Variants in DCC observed in about 807,000 individuals in gnomAD.
DCC encodes DCC netrin 1 receptor.
Under a neutral mutation model 172.5 loss-of-function variants are expected in DCC, and 58 were observed. That is an observed-to-expected ratio of 0.34 (90% CI 0.27 to 0.42). DCC has a LOEUF of 0.42. DCC is among the 10% of genes least tolerant of loss of function. The pLI is 1.00. For missense variants in DCC, 1,740 were observed against 1,791.0 expected, an observed-to-expected ratio of 0.97 and a Z score of 0.51; for synonymous variants, 709 against 644.5, an observed-to-expected ratio of 1.10 and a Z score of -1.52.
intron 28 of DCC, among the ~76,000 whole-genome samples, chr18:53,527,668 A>G (rs546244459): frequency 6.6e-6 from 1 of 152,088 alleles, no homozygotes; most frequent in South Asian, 2.1e-4. Context: ...AGGAACATCA[A>G]TAGAGAAGGG....
chr18:53,438,647 T>C (rs1912090091), intron 22 of DCC, among the ~76,000 whole-genome samples: 1 of 152,224 alleles, frequency 6.6e-6, no homozygotes, highest in African/African-American at 2.4e-5. Flanking sequence ...TGTTGACTAT[T>C]TGAAGTTGCT....
chr18:52,682,706 G>A (rs569144976), intron 1 of DCC, among the ~76,000 whole-genome samples: 3 of 149,490 alleles, frequency 2.0e-5, no homozygotes, highest in East Asian at 2.0e-4. Flanking sequence ...ATGTCAGGTA[G>A]TGATAAATGT....
intron 2 of DCC, among the ~76,000 whole-genome samples, chr18:52,840,444 G>A (rs1364903029): frequency 1.3e-5 from 2 of 152,142 alleles, no homozygotes; most frequent in Non-Finnish European, 2.9e-5. Flanking sequence ...ATGATCTGGT[G>A]CCTGCATTCT....
intron 16 of DCC, among the ~76,000 whole-genome samples, chr18:53,388,536 TC>T (rs1908326972): frequency 6.6e-6 from 1 of 152,328 alleles, no homozygotes; most frequent in South Asian, 2.1e-4. Context: ...TGGAGCCTCA[TC>T]CCATACTGGG....
intron 1 of DCC, among the ~76,000 whole-genome samples, chr18:52,686,237 T>G (rs1163422886): frequency 7.0e-6 from 1 of 143,454 alleles, no homozygotes; most frequent in Non-Finnish European, 1.5e-5. Flanking sequence ...CTTACTCCTG[T>G]TAGGTTATTC....
chr18:52,611,112 C>T (rs56215498), intron 1 of DCC, among the ~76,000 whole-genome samples: 9,512 of 152,126 alleles, frequency 0.063, 417 homozygotes, highest in South Asian at 0.17. Flanking sequence ...TTTATTTTCT[C>T]CACCTATAAA....
intron 5 of DCC, among the ~76,000 whole-genome samples, chr18:53,002,972 A>C (rs567146210): frequency 6.6e-6 from 1 of 152,208 alleles, no homozygotes; most frequent in Non-Finnish European, 1.5e-5. Flanking sequence ...GCTGCCTGTC[A>C]AGACTGCTTG....
intron 26 of DCC, among the ~76,000 whole-genome samples, chr18:53,496,354 A>C (rs1030722065): frequency 4.6e-5 from 7 of 152,226 alleles, no homozygotes; most frequent in Admixed American, 2.6e-4. Context: ...GACCTGCCAC[A>C]GAGGGGCCTG....
At chr18:53,211,189 G>T (rs556814516) in intron 11 of DCC, among the ~76,000 whole-genome samples, 2 of 152,154 alleles carry the variant, frequency 1.3e-5, no homozygotes, top group South Asian at 2.1e-4. Context: ...AATATTTCTT[G>T]AATACTTACT....
intron 21 of DCC, among the ~76,000 whole-genome samples, chr18:53,434,755 T>C (rs1599147802): frequency 6.6e-6 from 1 of 152,158 alleles, no homozygotes; most frequent in Non-Finnish European, 1.5e-5. Context: ...GTCTTGTCAG[T>C]TGGGTGACAG....
At chr18:52,781,879 A>G (rs187330888) in intron 2 of DCC, among the ~76,000 whole-genome samples, 1,936 of 151,116 alleles carry the variant, frequency 0.013, 30 homozygotes, top group Non-Finnish European at 0.016. Context: ...TGTTTTTTTT[A>G]TACTACCAGG....
chr18:53,085,488 G>A (rs902019536), intron 7 of DCC, among the ~76,000 whole-genome samples: 6 of 151,942 alleles, frequency 3.9e-5, no homozygotes, highest in African/African-American at 1.5e-4. Flanking sequence ...CCAATTTGTA[G>A]GTTAAATAAG....
intron 23 of DCC, among the ~76,000 whole-genome samples, chr18:53,452,267 G>A (rs1502225): frequency 0.45 from 67,777 of 151,990 alleles, 16,918 homozygotes; most frequent in Non-Finnish European, 0.58. Context: ...GTGGGGAGGC[G>A]GTACCAAAAT....
At chr18:53,256,365 A>T (rs1031351445) in intron 12 of DCC, among the ~76,000 whole-genome samples, 5 of 152,172 alleles carry the variant, frequency 3.3e-5, no homozygotes, top group African/African-American at 1.2e-4. Flanking sequence ...GTAGGTCTTT[A>T]ATCCATCTTG....
chr18:52,652,966 G>A (rs2035172129), intron 1 of DCC, among the ~76,000 whole-genome samples: 1 of 152,080 alleles, frequency 6.6e-6, no homozygotes, highest in Admixed American at 6.6e-5. Flanking sequence ...TGATGCAGGG[G>A]AAAGGGTATA....
chr18:52,840,420 A>T (rs577723768), intron 2 of DCC, among the ~76,000 whole-genome samples: 1 of 152,316 alleles, frequency 6.6e-6, no homozygotes, highest in African/African-American at 2.4e-5. Flanking sequence ...ATTTACTAGT[A>T]TTCAGGCATT....
chr18:52,511,635 C>A (rs369789640), intron 1 of DCC, among the ~76,000 whole-genome samples: 3 of 152,188 alleles, frequency 2.0e-5, no homozygotes, highest in East Asian at 3.9e-4. Flanking sequence ...CAAGACAGCC[C>A]CCATAATAAA....
intron 23 of DCC, among the ~76,000 whole-genome samples, chr18:53,458,844 C>T (rs953738001): frequency 6.6e-6 from 1 of 152,114 alleles, no homozygotes; most frequent in Non-Finnish European, 1.5e-5. Context: ...TTTCTATTTG[C>T]CCTTTCAAAG....
chr18:53,497,761 C>G (rs2046043345), intron 26 of DCC, among the ~76,000 whole-genome samples: 1 of 152,166 alleles, frequency 6.6e-6, no homozygotes, highest in Non-Finnish European at 1.5e-5. Flanking sequence ...AAGGATTTGC[C>G]TTAATGGTTT....
Sources: allele counts gnomAD v4.1 joint callset (sites outside exome capture counted in the v4.1 genomes callset), GRCh38; gene constraint gnomAD v4.1.1; transcripts MANE v1.5; gene names NCBI Gene and HGNC (gene_info 2026-07-23, HGNC 2026-07-21).